CACNG5: variants seen among roughly 807,000 people sequenced by gnomAD.
CACNG5 encodes the protein calcium voltage-gated channel auxiliary subunit gamma 5.
CACNG5 carries 18 observed loss-of-function variants against 24.8 expected under a neutral mutation model. That is an observed-to-expected ratio of 0.73 (90% confidence interval 0.50 to 1.08). The LOEUF (loss-of-function observed/expected upper bound fraction) is 1.08. CACNG5 is among the 50% of genes least tolerant of loss of function. The pLI, the probability that CACNG5 is intolerant of heterozygous loss-of-function variation, is 0.00. For missense variants in CACNG5, 349 were observed against 367.9 expected (o/e 0.95, Z 0.42); for synonymous variants, 157 against 149.1 (o/e 1.05, Z -0.39).
Position 66,880,621 on chromosome 17 carries a change from C to T in CACNG5, c.348C>T (p.Ile116=). ...VSLFFMFIGF[I]LNNIGHIRPH... Reference sequence around the variant, plus strand: ...TCTTCTTCATGTTCATTGGGTTTATCCTGAACAACATCGGACACATCCGTC... The same window carrying T: ...TCTTCTTCATGTTCATTGGGTTTATTCTGAACAACATCGGACACATCCGTC... The change falls in exon 4 of 6, where the codon ATC becomes ATT. Residue 116 remains isoleucine, a synonymous_variant. Coordinates refer to ENST00000533854, the MANE Select transcript of CACNG5 (RefSeq NM_145811.3). The T allele has an allele frequency of 6.2e-7, 1 of 1,614,172 alleles. No homozygotes were observed. The highest frequency in any genetic ancestry group is 8.5e-7 in the Non-Finnish European group (1 of 1,179,964).
intron 1 of CACNG5, among the ~76,000 whole-genome samples, chr17:66,862,414 TAGAG>T (rs1664275491): frequency 6.6e-6 from 1 of 151,920 alleles, no homozygotes; most frequent in African/African-American, 2.4e-5. Flanking sequence ...CAAGCTGCCT[TAGAG>T]AGCTCTCTGT....
intron 1 of CACNG5, among the ~76,000 whole-genome samples, chr17:66,848,373 C>A (rs772690358): frequency 6.6e-6 from 1 of 152,182 alleles, no homozygotes; most frequent in African/African-American, 2.4e-5. Flanking sequence ...GACAGCACAC[C>A]GTTGAATGTC....
Position 66,861,970 on chromosome 17 carries a change from T to G in CACNG5, c.-103-15260T>G, listed in dbSNP as rs542907857. Among the ~76,000 whole-genome samples the G allele has an allele frequency of 1.7e-4, 26 of 152,330 alleles. 1 individual carries two copies. The highest frequency in any genetic ancestry group is 6.3e-4 in the African/African-American group (26 of 41,572). On this transcript the variant is annotated intron_variant, in intron 1 of 5. Transcript: ENST00000533854. ...AAATGCTGAAAAATAAAAATCAATT[T>G]CTGGTGTGGGAGTTGGGTGGTGGCT...
chr17:66,878,265 T>G (rs1211981759), intron 2 of CACNG5, among the ~76,000 whole-genome samples: 3 of 152,268 alleles, frequency 2.0e-5, no homozygotes, highest in Non-Finnish European at 4.4e-5. Context: ...CAAGCTGGGC[T>G]GGCCTGGATT....
At chr17:66,864,247 G>C (rs1976900445) in intron 1 of CACNG5, among the ~76,000 whole-genome samples, 1 of 152,186 alleles carries the variant, frequency 6.6e-6, no homozygotes, top group Non-Finnish European at 1.5e-5. Flanking sequence ...CTCACCTAGA[G>C]TAGGAGCCTT....
chr17:66,849,285 C>T (rs1426238301), intron 1 of CACNG5, among the ~76,000 whole-genome samples: 3 of 151,366 alleles, frequency 2.0e-5, no homozygotes, highest in African/African-American at 7.3e-5. Context: ...AACACTCATC[C>T]TCTGAGGCAC....
chr17:66,876,234 C>A (rs982868182), intron 1 of CACNG5, among the ~76,000 whole-genome samples: 1 of 152,336 alleles, frequency 6.6e-6, no homozygotes, highest in South Asian at 2.1e-4. Context: ...TTAAAAAATA[C>A]CATTGTCCAG....
intron 1 of CACNG5, among the ~76,000 whole-genome samples, chr17:66,858,674 C>T (rs975817326): frequency 1.4e-5 from 2 of 139,194 alleles, no homozygotes; most frequent in Admixed American, 1.4e-4. Flanking sequence ...AAGCTGCAGC[C>T]CCCCCTCCCT....
chr17:66,880,456 A>T, intron 3 of CACNG5, 101 bp from the exon 4 acceptor site: 1 of 1,459,568 alleles, frequency 6.9e-7, no homozygotes, highest in Non-Finnish European at 9.4e-7. Flanking sequence ...TGGGGCTTTG[A>T]GGACCAGTTG....
chr17:66,859,815 C>A (rs963205961), intron 1 of CACNG5, among the ~76,000 whole-genome samples: 1 of 152,022 alleles, frequency 6.6e-6, no homozygotes, highest in African/African-American at 2.4e-5. Flanking sequence ...GTTACTTTCT[C>A]CCCTCTCCCT....
At chr17:66,838,957 A>ATTTTTTTTTTTTT (rs1435457390) in intron 1 of CACNG5, among the ~76,000 whole-genome samples, 14 of 61,488 alleles carry the variant, frequency 2.3e-4, no homozygotes, top group African/African-American at 9.4e-4. Context: ...TCCCTCACCC[A>ATTTTTTTTTTTTT]TTCTTTTTTT....
intron 1 of CACNG5, among the ~76,000 whole-genome samples, chr17:66,862,892 C>CTCTGTG (rs567913804): frequency 0.021 from 2,988 of 142,250 alleles, 61 homozygotes; most frequent in Non-Finnish European, 0.029. Flanking sequence ...AGCATATTCT[C>CTCTGTG]TGTGTGTGTG....
rs771172491 is a variant in CACNG5, at chr17:66,884,648, T to C, written c.557T>C (p.Phe186Ser). 6.2e-7 allele frequency: 1 copy of C among 1,614,140 alleles called. No individual in the cohort carries two copies. Among genetic ancestry groups the C allele is most frequent in the Non-Finnish European group, 8.5e-7 (1 of 1,180,026 alleles). ...TCGTTTGCCTTCGCCGCCATCTCCTTCCTTTTAACGGAGGTAAAGCCCGTC... is the reference window on the plus strand; with the variant it reads ...TCGTTTGCCTTCGCCGCCATCTCCTCCCTTTTAACGGAGGTAAAGCCCGTC... ...GWSFAFAAIS[F>S]LLTESAGVMS... Residue 186 changes from phenylalanine (F) to serine (S), a missense_variant, in exon 5 of 6, where the codon TTC (phenylalanine) becomes TCC (serine). By Grantham distance (155) the Phe-to-Ser change is radical. Transcript: ENST00000533854.
rs1468724296 is a variant in CACNG5 at position 66,878,953 on chromosome 17, G to A, written c.197-19G>A. The stretch of plus-strand genomic sequence containing the variant: ...CCATGTTCAAGAGGGACCTGGAAAT[G>A]TGATTCTTGTCTCCACAGGTGAGGA... On this transcript the variant is annotated intron_variant, in intron 2 of 5. Coordinates refer to ENST00000533854, the MANE Select transcript of CACNG5 (RefSeq NM_145811.3). 6.3e-7 allele frequency: 1 copy of A among 1,595,888 alleles called. No homozygotes were observed.
intron 1 of CACNG5, among the ~76,000 whole-genome samples, chr17:66,866,435 C>T (rs572423510): frequency 2.0e-5 from 3 of 152,220 alleles, no homozygotes; most frequent in African/African-American, 7.2e-5. Flanking sequence ...CCTTACCTTC[C>T]ATTTTATTTT....
At chr17:66,884,708 C>A (rs1401960977) in intron 5 of CACNG5, 47 bp downstream of exon 5, 10 of 1,614,078 alleles carry the variant, frequency 6.2e-6, no homozygotes, top group African/African-American at 1.3e-5. Flanking sequence ...CTGGGCACTG[C>A]CCCACTGAGC....
At chr17:66,880,533 C>A (rs747611643) in intron 3 of CACNG5, 24 bp from the exon 4 acceptor site, 20 of 1,613,840 alleles carry the variant, frequency 1.2e-5, no homozygotes, top group South Asian at 4.4e-5. Context: ...GGCTGACAGG[C>A]CGCCCTTTTG....
chr17:66,838,644 T>C (rs1027994542), intron 1 of CACNG5, among the ~76,000 whole-genome samples: 1 of 152,140 alleles, frequency 6.6e-6, no homozygotes, highest in African/African-American at 2.4e-5. Context: ...GTATGACCTA[T>C]TGGCCATGAG....
intron 1 of CACNG5, among the ~76,000 whole-genome samples, chr17:66,863,078 A>G (rs1455143464): frequency 6.6e-6 from 1 of 152,052 alleles, no homozygotes; most frequent in Non-Finnish European, 1.5e-5. Context: ...TTCTTGGGCT[A>G]GGTACTTAGA....
Sources: allele counts gnomAD v4.1 joint callset (sites outside exome capture counted in the v4.1 genomes callset), GRCh38; gene constraint gnomAD v4.1.1; transcripts MANE v1.5; gene names NCBI Gene and HGNC (gene_info 2026-07-23, HGNC 2026-07-21).